MYH11: variants seen among roughly 807,000 people sequenced by gnomAD.
The protein encoded by MYH11 is myosin-11.
Under a neutral mutation model 246.6 loss-of-function variants are expected in MYH11, and 80 were observed. The ratio of observed to expected loss-of-function variants is 0.32; its 90% CI spans 0.27 to 0.39. The LOEUF (loss-of-function observed/expected upper bound fraction) is 0.39. Ranked by LOEUF, MYH11 falls within the 10% of genes least tolerant of loss-of-function variation. MYH11 has a pLI of 1.00. For missense variants in MYH11, 2,158 were observed against 2,546.8 expected, an observed-to-expected ratio of 0.85 and a Z score of 3.29; for synonymous variants, 1,071 against 1,015.5, an observed-to-expected ratio of 1.05 and a Z score of -1.04.
intron 28 of MYH11, chr16:15,725,580 C>T (rs2040713447): frequency 4.9e-6 from 2 of 406,942 alleles, no homozygotes; most frequent in Non-Finnish European, 8.7e-6. Context: ...TAGCCTACCC[C>T]TCCATCTCTT....
chr16:15,749,876 G>A, intron 16 of MYH11: 1 of 594,380 alleles, frequency 1.7e-6, no homozygotes, highest in African/African-American at 1.9e-5. Flanking sequence ...GCAGAGCCCA[G>A]TGAATACTTC....
intron 3 of MYH11, among the ~76,000 whole-genome samples, chr16:15,811,460 T>A (rs746822723): frequency 1.3e-5 from 2 of 152,180 alleles, no homozygotes; most frequent in South Asian, 4.1e-4. Context: ...GCCAAGTAGG[T>A]GTGCTGAGTT....
chr16:15,719,045 T>C (rs1185639939), intron 36 of MYH11, 175 bp downstream of exon 36: 12 of 673,990 alleles, frequency 1.8e-5, no homozygotes, highest in Non-Finnish European at 2.9e-5. Context: ...GGAGAATTGC[T>C]TGAACCTGGG....
intron 7 of MYH11, 125 bp from the exon 8 acceptor site, chr16:15,776,301 G>A (rs1596818648): frequency 4.1e-6 from 3 of 734,638 alleles, no homozygotes; most frequent in Non-Finnish European, 7.4e-6. Context: ...GATCGGTAAT[G>A]TCTAACTTTG....
At chr16:15,850,071 T>G (rs961479044) in intron 1 of MYH11, among the ~76,000 whole-genome samples, 3 of 152,224 alleles carry the variant, frequency 2.0e-5, no homozygotes, top group Non-Finnish European at 2.9e-5. Context: ...GATCTTGCCC[T>G]CTCTGCTTCA....
At chr16:15,748,568 C>T (rs1284299902) in intron 16 of MYH11, among the ~76,000 whole-genome samples, 1 of 152,098 alleles carries the variant, frequency 6.6e-6, no homozygotes, top group Non-Finnish European at 1.5e-5. Context: ...ACCACAGAAA[C>T]CACCCACCTG....
chr16:15,763,742 C>CGGGGGGG, intron 10 of MYH11, 54 bp downstream of exon 10: 1 of 627,778 alleles, frequency 1.6e-6, no homozygotes, highest in Non-Finnish European at 3.0e-6. Context: ...AATGTCACCT[C>CGGGGGGG]CCCCACCCCC....
intron 28 of MYH11, chr16:15,725,197 C>T (rs377247020): frequency 2.4e-5 from 15 of 619,420 alleles, no homozygotes; most frequent in Admixed American, 1.1e-4. Context: ...AAGGGAACTC[C>T]GTCACCTATG....
chr16:15,801,674 G>A (rs910472875), intron 3 of MYH11, among the ~76,000 whole-genome samples: 6 of 148,972 alleles, frequency 4.0e-5, no homozygotes, highest in Admixed American at 6.7e-5. Flanking sequence ...AAACAGACCT[G>A]GGATGGGTGC....
chr16:15,786,121 ACAGAGATTC>A, intron 5 of MYH11: 1 of 311,260 alleles, frequency 3.2e-6, no homozygotes, highest in South Asian at 3.0e-5. Flanking sequence ...CTGGGACGTT[ACAGAGATTC>A]ATGAAAGGAG....
intron 10 of MYH11, 54 bp downstream of exon 10, chr16:15,763,742 C>CGCGCG: frequency 1.6e-6 from 1 of 627,780 alleles, no homozygotes; most frequent in Non-Finnish European, 3.0e-6. Context: ...AATGTCACCT[C>CGCGCG]CCCCACCCCC....
chr16:15,769,580 A>G (rs1485596649), intron 9 of MYH11, among the ~76,000 whole-genome samples: 2 of 151,776 alleles, frequency 1.3e-5, no homozygotes, highest in East Asian at 3.9e-4. Flanking sequence ...AGTGTGCACC[A>G]CCACACCCAG....
chr16:15,782,626 G>A, intron 5 of MYH11, 149 bp from the exon 6 acceptor site: 1 of 658,696 alleles, frequency 1.5e-6, no homozygotes, highest in South Asian at 1.7e-5. Context: ...CTAATGTTCA[G>A]ATTTACAGGA....
intron 4 of MYH11, chr16:15,791,488 C>T (rs2151313309): frequency 6.6e-6 from 1 of 152,204 alleles, no homozygotes; most frequent in Admixed American, 6.5e-5. Context: ...AGAAGCAACG[C>T]CTCTCTCCCC....
At chr16:15,725,087 G>C (rs1422887052) in intron 28 of MYH11, 95 bp from the exon 29 acceptor site, 1 of 977,028 alleles carries the variant, frequency 1.0e-6, no homozygotes, top group Non-Finnish European at 1.6e-6. Context: ...GCTAGTACTT[G>C]AGGTGTTCAC....
At chr16:15,717,440 G>T in intron 37 of MYH11, 92 bp from the exon 38 acceptor site, 1 of 1,351,378 alleles carries the variant, frequency 7.4e-7, no homozygotes, top group Non-Finnish European at 1.0e-6. Context: ...TTTGGCCTCT[G>T]CACGAGTCCC....
intron 4 of MYH11, among the ~76,000 whole-genome samples, chr16:15,793,109 A>T (rs1405744307): frequency 2.0e-5 from 3 of 152,036 alleles, no homozygotes; most frequent in African/African-American, 7.2e-5. Context: ...CTCTAATTTT[A>T]TGTGAAACCA....
rs2151244378 is a variant in MYH11, at chr16:15,737,629, A to G, written c.3122-9T>C. ...TTCCTTCTTTAGCCGCACTGCAAAA[A>G]CCAAGGTGCTCTTCAGGAAGGGGAG... On this transcript the variant is annotated splice_polypyrimidine_tract_variant and intron_variant, in intron 24 of 40. Transcript: ENST00000300036. The G allele has an allele frequency of 6.2e-7, 1 of 1,610,776 alleles. No individual in the cohort carries two copies. The highest frequency in any genetic ancestry group is 8.5e-7 in the Non-Finnish European group (1 of 1,179,942).
chr16:15,720,111 C>T, intron 34 of MYH11, 40 bp downstream of exon 34: 1 of 1,613,794 alleles, frequency 6.2e-7, no homozygotes, highest in South Asian at 1.1e-5. Context: ...GGAACTGTGC[C>T]CTCCCTCCAC....
Sources: gnomAD v4.1 joint callset for allele counts (sites outside exome capture counted in the v4.1 genomes callset) on GRCh38, gnomAD v4.1.1 for gene constraint, MANE v1.5 for transcripts, NCBI Gene and HGNC (gene_info 2026-07-23, HGNC 2026-07-21) for gene names.